The following ZFYVE28 variants were observed in gnomAD, a reference collection of about 807,000 sequenced individuals.
The protein encoded by ZFYVE28 is zinc finger FYVE-type containing 28, also known as lateral signaling target protein 2 homolog.
A neutral mutation model predicts 82.1 loss-of-function variants in ZFYVE28; 40 were observed. The ratio of observed to expected loss-of-function variants is 0.49; its 90% confidence interval spans 0.38 to 0.63. The LOEUF (loss-of-function observed/expected upper bound fraction) is 0.63. ZFYVE28 is among the 30% of genes least tolerant of loss of function. The pLI is 0.00. For synonymous variants in ZFYVE28, 612 were observed against 546.1 expected, an observed-to-expected ratio of 1.12 and a Z score of -1.68; for missense variants, 1,321 against 1,242.1, an observed-to-expected ratio of 1.06 and a Z score of -0.96.
At chr4:2,334,406 C>A (rs530607496) in intron 6 of ZFYVE28, among the ~76,000 whole-genome samples, 1 of 152,002 alleles carries the variant, frequency 6.6e-6, no homozygotes, top group Non-Finnish European at 1.5e-5. Flanking sequence ...GCACTTCTGT[C>A]CCCTGCAGGC....
In ZFYVE28 at chr4:2,409,690, G is replaced by A. The variant is rs1204014303; in HGVS notation, c.39+8595C>T. On this transcript the variant is annotated intron_variant, in intron 1 of 12. Coordinates refer to ENST00000290974, the MANE Select transcript of ZFYVE28 (RefSeq NM_020972.3). The surrounding 1 kb of genome is among the most constrained non-coding windows in gnomAD (Gnocchi z 4.4). ...GAAGGCTGAGTCCAGTACACCCACG[G>A]TGGGGTGGGGGGGCTGACCCCTGCG... is the stretch of plus-strand genomic sequence containing the variant. 6.6e-6 allele frequency among the ~76,000 whole-genome samples: 1 copy of A among 152,262 alleles called. No individual in the cohort carries two copies. Among genetic ancestry groups the A allele is most frequent in the African/African-American group, 2.4e-5 (1 of 41,474 alleles).
chr4:2,417,886 G>A lies in ZFYVE28; in HGVS notation c.39+399C>T, dbSNP rs919966018. 2.0e-5 allele frequency among the ~76,000 whole-genome samples: 3 copies of A among 151,942 alleles called. No homozygotes were observed. Among genetic ancestry groups the A allele is most frequent in the Admixed American group, 6.6e-5 (1 of 15,264 alleles). ...TGAGGGGGCATTCCTGGTGCAGGGAGGGGAGACGGAGAAGTAGTAGGGGGT... is the reference window on the plus strand; with the variant it reads ...TGAGGGGGCATTCCTGGTGCAGGGAAGGGAGACGGAGAAGTAGTAGGGGGT... On this transcript the variant is annotated intron_variant, in intron 1 of 12. Transcript: ENST00000290974. The surrounding 1 kb of genome is among the most constrained non-coding windows in gnomAD (Gnocchi z 4.8).
chr4:2,373,695 T>C (rs1017674528), intron 1 of ZFYVE28, among the ~76,000 whole-genome samples: 1 of 152,190 alleles, frequency 6.6e-6, no homozygotes, highest in Admixed American at 6.5e-5. Flanking sequence ...TGCACTCGTA[T>C]GCCCTGGCAG....
rs1038283345 is a variant in ZFYVE28 at position 2,364,532 on chromosome 4, C to T, written c.40-10459G>A. The T allele has an allele frequency of 5.1e-6, 5 of 985,412 alleles. No homozygotes were observed. In the African/African-American group the frequency reaches 5.2e-5, roughly 10 times the overall value. The allele number at this position is 985,412 out of a possible 1,614,324, so 61.0% of individuals were successfully genotyped here. ...TTAGAGGAATCCTCCACAGCCCAGA[C>T]GCAACAGGAGCCACGTGGGAAGGGA... On this transcript the variant is annotated intron_variant, in intron 1 of 12. Transcript: ENST00000290974.
intron 1 of ZFYVE28, among the ~76,000 whole-genome samples, chr4:2,391,053 C>T (rs1355512828): frequency 3.3e-5 from 5 of 152,254 alleles, no homozygotes; most frequent in African/African-American, 9.6e-5. Flanking sequence ...TGCAAGGCGC[C>T]AGAGACCTGC....
chr4:2,334,381 G>A (rs998992882), intron 6 of ZFYVE28, among the ~76,000 whole-genome samples: 2 of 152,070 alleles, frequency 1.3e-5, no homozygotes, highest in African/African-American at 4.8e-5. Context: ...GGTGTTCGGC[G>A]CATCCTGGGG....
In ZFYVE28 at chr4:2,403,308, C is replaced by T. The variant is rs1444510040; in HGVS notation, c.39+14977G>A. On this transcript the variant is annotated intron_variant, in intron 1 of 12. Transcript: ENST00000290974. Reference sequence around the variant, plus strand: ...GCAAAGGACTAGTGGGACCTTGTCACTGCCACTCAAGTGGGGGCGTGGGAA... The same window carrying T: ...GCAAAGGACTAGTGGGACCTTGTCATTGCCACTCAAGTGGGGGCGTGGGAA... 2.0e-5 allele frequency among the ~76,000 whole-genome samples: 3 copies of T among 152,366 alleles called. No individual in the cohort carries two copies. In the East Asian group the frequency reaches 5.8e-4, roughly 29 times the overall value.
intron 2 of ZFYVE28, among the ~76,000 whole-genome samples, chr4:2,353,191 C>G (rs1360612513): frequency 6.6e-6 from 1 of 152,242 alleles, no homozygotes; most frequent in African/African-American, 2.4e-5. Flanking sequence ...CCCACCGCAG[C>G]AGGGCCAGGC....
chr4:2,381,476 G>A (rs1728728392), intron 1 of ZFYVE28, among the ~76,000 whole-genome samples: 1 of 152,168 alleles, frequency 6.6e-6, no homozygotes, highest in Admixed American at 6.5e-5. Context: ...GTGTGACCTT[G>A]GCTGACTGCA....
intron 8 of ZFYVE28, among the ~76,000 whole-genome samples, chr4:2,302,698 C>T (rs1715752807): frequency 6.6e-6 from 1 of 152,230 alleles, no homozygotes. Flanking sequence ...CATCCATAAC[C>T]TAGAAACAAC....
intron 2 of ZFYVE28, among the ~76,000 whole-genome samples, chr4:2,345,390 C>T (rs1184601269): frequency 6.6e-6 from 1 of 151,786 alleles, no homozygotes; most frequent in African/African-American, 2.4e-5. Flanking sequence ...CTAAAAGTCC[C>T]TAACTGATTT....
intron 8 of ZFYVE28, among the ~76,000 whole-genome samples, chr4:2,296,653 C>T (rs1264737679): frequency 6.6e-6 from 1 of 152,152 alleles, no homozygotes; most frequent in Non-Finnish European, 1.5e-5. Context: ...CAAGCACCTG[C>T]CACCGGGCCC....
intron 1 of ZFYVE28, among the ~76,000 whole-genome samples, chr4:2,399,781 C>T (rs1730976247): frequency 6.6e-6 from 1 of 152,220 alleles, no homozygotes; most frequent in Admixed American, 6.5e-5. Flanking sequence ...GAGCAGAGCT[C>T]GGAGCAGGGC....
At chr4:2,302,750 C>T (rs1715763543) in intron 8 of ZFYVE28, among the ~76,000 whole-genome samples, 1 of 152,270 alleles carries the variant, frequency 6.6e-6, no homozygotes, top group African/African-American at 2.4e-5. Flanking sequence ...GAAAGACGGT[C>T]TCCCCATGCA....
intron 1 of ZFYVE28, among the ~76,000 whole-genome samples, chr4:2,410,181 G>A (rs1026304063): frequency 6.6e-6 from 1 of 152,112 alleles, no homozygotes; most frequent in African/African-American, 2.4e-5. Context: ...CGTTCACAAT[G>A]CTGCCCAACC....
At chr4:2,272,980 T>C (rs1220942382) in intron 10 of ZFYVE28, among the ~76,000 whole-genome samples, 193 bp downstream of exon 10, 1 of 152,178 alleles carries the variant, frequency 6.6e-6, no homozygotes, top group African/African-American at 2.4e-5. Flanking sequence ...GCTGTGCCCC[T>C]TGGCTCCCCA....
chr4:2,343,624 A>G (rs1369523389), intron 2 of ZFYVE28: 3 of 152,276 alleles, frequency 2.0e-5, no homozygotes, highest in African/African-American at 7.2e-5. Flanking sequence ...CAGGCGGTGC[A>G]CAGTAAGCCC....
intron 1 of ZFYVE28, among the ~76,000 whole-genome samples, chr4:2,367,382 A>G (rs1726998907): frequency 6.6e-6 from 1 of 152,232 alleles, no homozygotes; most frequent in African/African-American, 2.4e-5. Flanking sequence ...CCCCCGTTGC[A>G]GGGGCTGAGC....
At chr4:2,404,296 C>T (rs906926536) in intron 1 of ZFYVE28, among the ~76,000 whole-genome samples, 22 of 51,484 alleles carry the variant, frequency 4.3e-4, no homozygotes, top group South Asian at 1.3e-3. Flanking sequence ...CAGGACGGAG[C>T]GAGACTCCGC....
Sources: gnomAD v4.1 joint callset for allele counts (sites outside exome capture counted in the v4.1 genomes callset) on GRCh38, gnomAD v4.1.1 for gene constraint, Gnocchi (gnomAD v3.1) non-coding constraint, MANE v1.5 for transcripts, NCBI Gene and HGNC (gene_info 2026-07-23, HGNC 2026-07-21) for gene names.